PHF3: variants seen among roughly 807,000 people sequenced by gnomAD.
PHF3 encodes PHD finger protein 3.
PHF3 carries 41 observed loss-of-function variants against 178.4 expected under a neutral mutation model. The observed-to-expected ratio is 0.23, with a 90% CI of 0.18 to 0.30. PHF3 has a LOEUF of 0.30. PHF3 is among the 10% of genes least tolerant of loss of function. PHF3 has a pLI of 1.00. For missense variants in PHF3, 2,346 were observed against 2,398.1 expected, an observed-to-expected ratio of 0.98 and a Z score of 0.45; for synonymous variants, 842 against 800.5, an observed-to-expected ratio of 1.05 and a Z score of -0.88.
At chr6:63,679,895 T>C (rs778294095) in intron 2 of PHF3, 105 bp from the exon 3 acceptor site, 100 of 900,036 alleles carry the variant, frequency 1.1e-4, no homozygotes, top group Non-Finnish European at 1.6e-4. Context: ...TTCAAGAGTA[T>C]GTAGTGTTAC....
In PHF3 at chr6:63,712,675, A is replaced by G; in HGVS notation, c.5087A>G (p.Asn1696Ser). 6.2e-7 allele frequency: 1 copy of G among 1,613,924 alleles called. No individual in the cohort carries two copies. Among genetic ancestry groups the G allele is most frequent in the Non-Finnish European group, 8.5e-7 (1 of 1,179,944 alleles). ...HNKEHLTEQINVEEKLCSAEK... is the reference protein window; with the variant it reads ...HNKEHLTEQISVEEKLCSAEK... ...AAGGAGCACTTAACAGAACAAATCA[A>G]TGTAGAGGAAAAGTTGTGTTCTGCA... Residue 1696 changes from asparagine (N) to serine (S), a missense_variant, in exon 16 of 16, where the codon AAT (asparagine) becomes AGT (serine). This residue lies in a region of PHF3 where 839 missense variants were observed against 806.9 expected (regional missense o/e 1.04). Coordinates refer to ENST00000262043, the MANE Select transcript of PHF3 (RefSeq NM_001370348.2).
intron 3 of PHF3, among the ~76,000 whole-genome samples, chr6:63,683,380 G>C (rs532262412): frequency 2.6e-5 from 4 of 151,974 alleles, no homozygotes; most frequent in South Asian, 2.1e-4. Context: ...TGATACAAGG[G>C]GGGGATGTAT....
chr6:63,709,223 A>G lies in PHF3; in HGVS notation c.3784A>G (p.Lys1262Glu). Residue 1262 changes from lysine to glutamate, a missense_variant, in exon 14 of 16, where the codon AAA (lysine) becomes GAA (glutamate). Coordinates refer to ENST00000262043, the MANE Select transcript of PHF3 (RefSeq NM_001370348.2). ...AGTTTGGGATTATGTGGAAAAAATA[A>G]AAGCATCAGGAACCAAGGTGAGGAA... ...QTVWDYVEKI[K>E]ASGTKEICVV... The G allele has an allele frequency of 6.2e-7, 1 of 1,611,466 alleles. No individual in the cohort carries two copies. The highest frequency in any genetic ancestry group is 8.5e-7 in the Non-Finnish European group (1 of 1,178,048).
intron 4 of PHF3, among the ~76,000 whole-genome samples, chr6:63,690,135 G>T (rs1766932042): frequency 6.6e-6 from 1 of 151,968 alleles, no homozygotes; most frequent in African/African-American, 2.4e-5. Flanking sequence ...TATCATTATG[G>T]GCCCATCAAA....
At chr6:63,705,745 C>T (rs921416391) in intron 11 of PHF3, among the ~76,000 whole-genome samples, 3 of 152,158 alleles carry the variant, frequency 2.0e-5, no homozygotes, top group Admixed American at 6.5e-5. Context: ...AACTTTATTA[C>T]AGGTAGAACC....
intron 2 of PHF3, among the ~76,000 whole-genome samples, chr6:63,652,493 C>G (rs1026708930): frequency 2.0e-5 from 3 of 152,086 alleles, no homozygotes; most frequent in Non-Finnish European, 4.4e-5. Flanking sequence ...GTAGGTTTCT[C>G]TTCACTCTGT....
In PHF3 at chr6:63,719,757, A is replaced by T. The variant is rs916321812; in HGVS notation, c.*6049A>T. On this transcript the variant is annotated 3_prime_UTR_variant, in exon 16 of 16. Transcript: ENST00000262043. The stretch of plus-strand genomic sequence containing the variant: ...AGCAGTTAAACACAAATTAAGGTTA[A>T]TTTTTTAATTTGATCAGTTAATATG... Among the ~76,000 whole-genome samples, 5 of 152,080 alleles carry T rather than the reference A, an allele frequency of 3.3e-5. No individual in the cohort carries two copies. Among genetic ancestry groups the T allele is most frequent in the African/African-American group, 9.7e-5 (4 of 41,442 alleles).
chr6:63,670,945 A>G (rs1481080648), intron 2 of PHF3, among the ~76,000 whole-genome samples: 2 of 152,138 alleles, frequency 1.3e-5, no homozygotes, highest in African/African-American at 2.4e-5. Flanking sequence ...GTGATTCTCT[A>G]AGAACTCTTT....
chr6:63,666,620 A>G (rs1765692840), intron 2 of PHF3, among the ~76,000 whole-genome samples: 1 of 151,986 alleles, frequency 6.6e-6, no homozygotes, highest in African/African-American at 2.4e-5. Flanking sequence ...CCTCCTATGT[A>G]TTTTAAATCA....
intron 13 of PHF3, 21 bp from the exon 14 acceptor site, chr6:63,709,126 CTCTT>C: frequency 8.8e-7 from 1 of 1,137,290 alleles, no homozygotes; most frequent in Non-Finnish European, 1.3e-6. Context: ...ATATATTGAT[CTCTT>C]TTTTTTTTTT....
chr6:63,690,969 T>C (rs1372662525), intron 4 of PHF3, among the ~76,000 whole-genome samples: 1 of 152,138 alleles, frequency 6.6e-6, no homozygotes, highest in East Asian at 1.9e-4. Flanking sequence ...GGAAAACTTT[T>C]ATAAGGAGAT....
intron 2 of PHF3, among the ~76,000 whole-genome samples, chr6:63,654,340 A>G (rs1765141654): frequency 1.3e-5 from 2 of 152,234 alleles, no homozygotes; most frequent in African/African-American, 4.8e-5. Flanking sequence ...ATGAGATGGA[A>G]ATACATTGGT....
At position 63,636,039 on chromosome 6, in the gene PHF3, C is replaced by T; in HGVS notation, c.-137C>T. The T allele has an allele frequency of 2.5e-6, 1 of 395,554 alleles. No homozygotes were observed. 24.5% of individuals were successfully genotyped at this position (395,554 alleles called of 1,614,324 possible). A position where few individuals can be genotyped will look rare whatever the true frequency, so the allele number is the denominator to read the frequency against. On this transcript the variant is annotated 5_prime_UTR_variant, in exon 1 of 16. Transcript: ENST00000262043. ...GTGGCAGCGACGCCGACGTCCTGCG[C>T]GTACCCCCTCTCCGCGGCACCCACC... is the stretch of plus-strand genomic sequence containing the variant.
rs565359025 is a variant in PHF3 at position 63,705,908 on chromosome 6, G to A, written c.3368-121G>A. ...TGATGACAGTTAGATATAACCCCAG[G>A]AAATGTATGGTTACTCAGCAATTGA... On this transcript the variant is annotated intron_variant, in intron 11 of 15. Coordinates refer to ENST00000262043, the MANE Select transcript of PHF3 (RefSeq NM_001370348.2). 27 of 695,872 alleles carry A rather than the reference G, an allele frequency of 3.9e-5. 1 individual carries two copies. In the Middle Eastern group the frequency reaches 3.0e-3, roughly 77 times the overall value. 43.1% of individuals were successfully genotyped at this position (695,872 alleles called of 1,614,324 possible). A position where few individuals can be genotyped will look rare whatever the true frequency, so the allele number is the denominator to read the frequency against.
chr6:63,722,616 A>G lies in PHF3; in HGVS notation c.*8908A>G, dbSNP rs532867803. Reference sequence around the variant, plus strand: ...CTTGAAGAGGATAGCAAAATGACTTATTAATAATGAACCACGCAGAAGTCT... The same window carrying G: ...CTTGAAGAGGATAGCAAAATGACTTGTTAATAATGAACCACGCAGAAGTCT... On this transcript the variant is annotated 3_prime_UTR_variant, in exon 16 of 16. Coordinates refer to ENST00000262043, the MANE Select transcript of PHF3 (RefSeq NM_001370348.2). Among the ~76,000 whole-genome samples the G allele has an allele frequency of 3.9e-5, 6 of 152,344 alleles. No homozygotes were observed. Among genetic ancestry groups the G allele is most frequent in the Admixed American group, 2.0e-4 (3 of 15,296 alleles).
At chr6:63,640,097 A>G (rs1173442823) in intron 1 of PHF3, among the ~76,000 whole-genome samples, 1 of 152,168 alleles carries the variant, frequency 6.6e-6, no homozygotes, top group East Asian at 1.9e-4. Flanking sequence ...TAGAAAAGTT[A>G]TGATCCTTGC....
Position 63,706,220 on chromosome 6 carries a change from C to G in PHF3, c.3559C>G (p.Pro1187Ala), listed in dbSNP as rs1249572979. ...ESPKSTFSPA[P>A]RPEMPGTVEV... Reference sequence around the variant, plus strand: ...TCCAAAGTCAACGTTCTCTCCTGCTCCACGGTAATTTTCTCTGTTGTAAAT... The same window carrying G: ...TCCAAAGTCAACGTTCTCTCCTGCTGCACGGTAATTTTCTCTGTTGTAAAT... The change falls in exon 12 of 16, where the codon CCA (proline) becomes GCA (alanine). Residue 1187 changes from proline (P) to alanine (A), a missense_variant. By Grantham distance (27) the Pro-to-Ala change is conservative. Transcript: ENST00000262043. 6 of 1,606,146 alleles carry G rather than the reference C, an allele frequency of 3.7e-6. No homozygotes were observed. The East Asian group carries it at 1.1e-4, about 30-fold the overall frequency.
chr6:63,685,625 C>T lies in PHF3; in HGVS notation c.1903C>T (p.Pro635Ser). 6.2e-7 allele frequency: 1 copy of T among 1,614,036 alleles called. No homozygotes were observed. The highest frequency in any genetic ancestry group is 1.1e-5 in the South Asian group (1 of 91,082). Residue 635 changes from proline to serine, a missense_variant, in exon 4 of 16, where the codon CCA (proline) becomes TCA (serine). This residue lies in a region of PHF3 where 843 missense variants were observed against 795.2 expected (regional missense o/e 1.06). Coordinates refer to ENST00000262043, the MANE Select transcript of PHF3 (RefSeq NM_001370348.2). ...KQCHKPQQQAPAMKTNSHVKE... is the reference protein window; with the variant it reads ...KQCHKPQQQASAMKTNSHVKE... The stretch of plus-strand genomic sequence containing the variant: ...GTGTCATAAGCCTCAGCAACAGGCC[C>T]CAGCAATGAAAACCAATAGTCACGT...
At chr6:63,695,289 A>T (rs1002875556) in intron 6 of PHF3, among the ~76,000 whole-genome samples, 1 of 152,190 alleles carries the variant, frequency 6.6e-6, no homozygotes, top group African/African-American at 2.4e-5. Context: ...TTAGAAGGTA[A>T]TACATAAAGG....
Sources: gnomAD v4.1 joint callset for allele counts (sites outside exome capture counted in the v4.1 genomes callset) on GRCh38, gnomAD v4.1.1 for gene constraint, gnomAD v4.1.1 regional missense constraint, MANE v1.5 for transcripts, NCBI Gene and HGNC (gene_info 2026-07-23, HGNC 2026-07-21) for gene names.